Variants in MAST4 observed in about 807,000 individuals in gnomAD.
MAST4 encodes the protein microtubule-associated serine/threonine-protein kinase 4.
Under a neutral mutation model 162.7 loss-of-function variants are expected in MAST4, and 89 were observed. The observed-to-expected ratio is 0.55, with a 90% confidence interval of 0.46 to 0.65. MAST4 has a LOEUF of 0.65. Ranked by LOEUF, MAST4 falls within the 30% of genes least tolerant of loss-of-function variation. MAST4 has a pLI of 0.00. For missense variants in MAST4, 3,153 were observed against 3,374.0 expected, an observed-to-expected ratio of 0.93 and a Z score of 1.62; for synonymous variants, 1,479 against 1,361.1, an observed-to-expected ratio of 1.09 and a Z score of -1.91.
intron 4 of MAST4, among the ~76,000 whole-genome samples, chr5:67,040,480 G>C (rs1395611052): frequency 6.6e-6 from 1 of 152,164 alleles, no homozygotes; most frequent in Non-Finnish European, 1.5e-5. Flanking sequence ...TGTCTACCAT[G>C]AGCCTGAAAA....
At chr5:66,836,986 A>T (rs942077993) in intron 3 of MAST4, among the ~76,000 whole-genome samples, 1 of 149,456 alleles carries the variant, frequency 6.7e-6, no homozygotes, top group Non-Finnish European at 1.5e-5. Context: ...ATACATAGAC[A>T]TACATACATG....
intron 4 of MAST4, among the ~76,000 whole-genome samples, chr5:66,959,587 G>A (rs1001014939): frequency 6.6e-6 from 1 of 152,222 alleles, no homozygotes; most frequent in Non-Finnish European, 1.5e-5. Flanking sequence ...AGGCCATGGT[G>A]TATCTGTCTT....
chr5:66,819,075 A>C (rs1387445799), intron 3 of MAST4, among the ~76,000 whole-genome samples: 1 of 152,214 alleles, frequency 6.6e-6, no homozygotes, highest in East Asian at 1.9e-4. Flanking sequence ...ATAGAGTCTC[A>C]GGGAGCACTT....
intron 5 of MAST4, among the ~76,000 whole-genome samples, chr5:67,081,473 T>A (rs1009726144): frequency 2.6e-5 from 4 of 151,726 alleles, no homozygotes; most frequent in Admixed American, 1.3e-4. Flanking sequence ...GATGCTGAAT[T>A]ATGGGAGAAA....
intron 19 of MAST4, among the ~76,000 whole-genome samples, chr5:67,138,120 G>A (rs916259179): frequency 6.6e-6 from 1 of 152,124 alleles, no homozygotes; most frequent in African/African-American, 2.4e-5. Flanking sequence ...TATGACCCTG[G>A]ACAGGTTACT....
At chr5:66,682,322 C>T (rs558988595) in intron 1 of MAST4, among the ~76,000 whole-genome samples, 1 of 152,182 alleles carries the variant, frequency 6.6e-6, no homozygotes, top group Non-Finnish European at 1.5e-5. Context: ...TTGTAGTTTA[C>T]GTGCCTTCTT....
chr5:66,741,704 T>C (rs888229418), intron 1 of MAST4, among the ~76,000 whole-genome samples: 10 of 152,010 alleles, frequency 6.6e-5, no homozygotes, highest in African/African-American at 2.4e-4. Context: ...TAGAGAAATA[T>C]GTGGAATTGG....
At chr5:66,615,151 G>A (rs751421586) in intron 1 of MAST4, among the ~76,000 whole-genome samples, 2 of 152,064 alleles carry the variant, frequency 1.3e-5, no homozygotes, top group African/African-American at 2.4e-5. Flanking sequence ...AGGGTGGTTT[G>A]TTTGTTTTGA....
At chr5:66,711,677 AT>A (rs1443651245) in intron 1 of MAST4, among the ~76,000 whole-genome samples, 4 of 152,252 alleles carry the variant, frequency 2.6e-5, no homozygotes, top group African/African-American at 9.6e-5. Flanking sequence ...TCCACTAAAA[AT>A]ACAAGAATTA....
chr5:66,802,408 C>G (rs2149698836), intron 3 of MAST4, among the ~76,000 whole-genome samples: 1 of 152,214 alleles, frequency 6.6e-6, no homozygotes, highest in South Asian at 2.1e-4. Context: ...AATTATGGCT[C>G]TTTGAAAACA....
At chr5:66,828,311 T>C (rs948263014) in intron 3 of MAST4, among the ~76,000 whole-genome samples, 1 of 152,134 alleles carries the variant, frequency 6.6e-6, no homozygotes, top group Admixed American at 6.6e-5. Context: ...ACATTTTTGT[T>C]TTCTTTGATG....
Position 66,759,853 on chromosome 5 carries a change from G to A in MAST4, c.508G>A (p.Ala170Thr). The A allele has an allele frequency of 6.2e-7, 1 of 1,613,856 alleles. No individual in the cohort carries two copies. Among genetic ancestry groups the A allele is most frequent in the Non-Finnish European group, 8.5e-7 (1 of 1,179,838 alleles). The change falls in exon 2 of 29, where the codon GCC (alanine) becomes ACC (threonine). Residue 170 changes from alanine to threonine, a missense_variant. By Grantham distance (58) the Ala-to-Thr change is moderately conservative. Coordinates refer to ENST00000403625, the MANE Select transcript of MAST4 (RefSeq NM_001164664.2). ...RQLRRGSLGG[A>T]LTGRYLLPNP... ...GCTAAGGCGAGGGAGCCTGGGAGGA[G>A]CCCTGACTGGTGAGTCGCAGCGGCT... is the stretch of plus-strand genomic sequence containing the variant.
chr5:67,141,883 T>G (rs1770443583), intron 19 of MAST4, among the ~76,000 whole-genome samples: 1 of 152,174 alleles, frequency 6.6e-6, no homozygotes, highest in Non-Finnish European at 1.5e-5. Flanking sequence ...GGAAAAAAAC[T>G]AACAAAGAAA....
chr5:67,005,228 G>A, intron 4 of MAST4: 2 of 649,496 alleles, frequency 3.1e-6, no homozygotes, highest in South Asian at 1.7e-5. Flanking sequence ...CTAGGGGAGG[G>A]GGTACTGTTT....
At chr5:66,701,647 T>C (rs1236034039) in intron 1 of MAST4, among the ~76,000 whole-genome samples, 1 of 152,206 alleles carries the variant, frequency 6.6e-6, no homozygotes, top group African/African-American at 2.4e-5. Flanking sequence ...CTTGGTTTTC[T>C]GTAAACACAA....
chr5:66,837,835 T>C (rs962142502), intron 3 of MAST4, among the ~76,000 whole-genome samples: 4 of 145,702 alleles, frequency 2.7e-5, no homozygotes, highest in Non-Finnish European at 6.0e-5. Context: ...TTGGTCTCCT[T>C]TCTATCAAGT....
At chr5:66,743,077 T>C (rs1283549286) in intron 1 of MAST4, among the ~76,000 whole-genome samples, 2 of 152,184 alleles carry the variant, frequency 1.3e-5, no homozygotes, top group Non-Finnish European at 2.9e-5. Flanking sequence ...GCTCACCAGC[T>C]TCCTTCCTTT....
intron 3 of MAST4, among the ~76,000 whole-genome samples, chr5:66,836,857 A>T (rs1475285127): frequency 6.6e-6 from 1 of 152,162 alleles, no homozygotes; most frequent in African/African-American, 2.4e-5. Context: ...TACCTGGGTT[A>T]TGGAAGAATC....
In MAST4 at chr5:67,166,625, C is replaced by G; in HGVS notation, c.7446C>G (p.Thr2482=). 2.5e-6 allele frequency: 4 copies of G among 1,601,786 alleles called. No individual in the cohort carries two copies. The highest frequency in any genetic ancestry group is 3.4e-6 in the Non-Finnish European group (4 of 1,174,536). The change falls in exon 29 of 29, where the codon ACC becomes ACG. Residue 2482 remains threonine, a synonymous_variant. Coordinates refer to ENST00000403625, the MANE Select transcript of MAST4 (RefSeq NM_001164664.2). ...AGGCCTCTGCAGCCAGCAGCGACACCTCTTCTGCCAAGGCCGCCGGGGGCA... is the reference window on the plus strand; with the variant it reads ...AGGCCTCTGCAGCCAGCAGCGACACGTCTTCTGCCAAGGCCGCCGGGGGCA... ...VREASAASSD[T]SSAKAAGGML...
Sources: gnomAD v4.1 joint callset for allele counts (sites outside exome capture counted in the v4.1 genomes callset) on GRCh38, gnomAD v4.1.1 for gene constraint, MANE v1.5 for transcripts, NCBI Gene and HGNC (gene_info 2026-07-23, HGNC 2026-07-21) for gene names.